Variants in GABRB1 observed in about 807,000 individuals in gnomAD.
GABRB1 encodes the protein gamma-aminobutyric acid type A receptor subunit beta1.
GABRB1 carries 17 observed loss-of-function variants against 51.6 expected under a neutral mutation model. The observed-to-expected ratio is 0.33, with a 90% confidence interval of 0.23 to 0.49. The LOEUF (loss-of-function observed/expected upper bound fraction) is 0.49. Ranked by LOEUF, GABRB1 falls within the 20% of genes least tolerant of loss-of-function variation. The pLI is 0.99. For synonymous variants in GABRB1, 247 were observed against 218.9 expected, an observed-to-expected ratio of 1.13 and a Z score of -1.14; for missense variants, 410 against 600.6, an observed-to-expected ratio of 0.68 and a Z score of 3.32.
chr4:47,095,583 A>G (rs1284551785), intron 3 of GABRB1, among the ~76,000 whole-genome samples: 1 of 152,158 alleles, frequency 6.6e-6, no homozygotes, highest in Non-Finnish European at 1.5e-5. Flanking sequence ...GGCACTTATG[A>G]CTCATGAAAT....
At chr4:47,350,210 T>TAGAGAGAG (rs1409250810) in intron 5 of GABRB1, among the ~76,000 whole-genome samples, 63 of 88,788 alleles carry the variant, frequency 7.1e-4, no homozygotes, top group South Asian at 4.3e-3. Context: ...TATATATATA[T>TAGAGAGAG]ATATATATAG....
At position 47,159,521 on chromosome 4, in the gene GABRB1, T is replaced by C. The variant is rs1042999618; in HGVS notation, c.241-1728T>C. ...TAGCCTGAGGGTTATTTTTTTTTTT[T>C]TACATGAAGGTAAGGTGGAAGGAGG... On this transcript the variant is annotated intron_variant, in intron 3 of 8. Transcript: ENST00000295454. Among the ~76,000 whole-genome samples, 4 of 151,812 alleles carry C rather than the reference T, an allele frequency of 2.6e-5. 1 individual carries two copies. In the South Asian group the frequency reaches 8.3e-4, roughly 31 times the overall value.
At chr4:47,071,415 A>G (rs1727330249) in intron 3 of GABRB1, among the ~76,000 whole-genome samples, 1 of 152,012 alleles carries the variant, frequency 6.6e-6, no homozygotes, top group Non-Finnish European at 1.5e-5. Context: ...GGCCTACACA[A>G]TCTTTCTAGT....
intron 5 of GABRB1, among the ~76,000 whole-genome samples, chr4:47,322,386 A>T (rs1282977382): frequency 6.6e-6 from 1 of 152,246 alleles, no homozygotes; most frequent in Non-Finnish European, 1.5e-5. Context: ...CTTACCTAAA[A>T]CAAAGCAAAA....
rs547678653 is a variant in GABRB1, at chr4:47,299,408, C to A, written c.462-20719C>A. ...AAATTTACAAGAAAAAAACAAATAA[C>A]CCCATCAAAAAGTGGGCGAAGGACA... On this transcript the variant is annotated intron_variant, in intron 4 of 8. Coordinates refer to ENST00000295454, the MANE Select transcript of GABRB1 (RefSeq NM_000812.4). Among the ~76,000 whole-genome samples the A allele has an allele frequency of 9.9e-5, 15 of 152,254 alleles. No homozygotes were observed. In the South Asian group the frequency reaches 2.9e-3, roughly 30 times the overall value.
At chr4:47,055,971 A>T (rs1402005467) in intron 3 of GABRB1, among the ~76,000 whole-genome samples, 2 of 152,208 alleles carry the variant, frequency 1.3e-5, no homozygotes, top group Admixed American at 1.3e-4. Context: ...TTTAATAGTG[A>T]ACTTTTAGCA....
At chr4:47,140,176 AG>A (rs1334979914) in intron 3 of GABRB1, among the ~76,000 whole-genome samples, 1 of 151,554 alleles carries the variant, frequency 6.6e-6, no homozygotes, top group Non-Finnish European at 1.5e-5. Context: ...GCAAAACTTA[AG>A]GGGAAGCACA....
intron 5 of GABRB1, among the ~76,000 whole-genome samples, chr4:47,346,226 CA>C: frequency 6.6e-6 from 1 of 152,158 alleles, no homozygotes; most frequent in South Asian, 2.1e-4. Flanking sequence ...CCTGAAGACA[CA>C]GAAGAAACTG....
At chr4:47,260,418 G>A (rs879692614) in intron 4 of GABRB1, among the ~76,000 whole-genome samples, 1 of 152,108 alleles carries the variant, frequency 6.6e-6, no homozygotes, top group Non-Finnish European at 1.5e-5. Context: ...TTTCTTCCTA[G>A]CCTCGATGGT....
chr4:47,136,366 G>T (rs926493559), intron 3 of GABRB1, among the ~76,000 whole-genome samples: 3 of 151,960 alleles, frequency 2.0e-5, no homozygotes, highest in African/African-American at 7.2e-5. Context: ...GATTTGCTCT[G>T]TCACACCTTC....
chr4:47,249,954 G>A lies in GABRB1; in HGVS notation c.462-70173G>A, dbSNP rs545799928. Among the ~76,000 whole-genome samples, 19 of 152,076 alleles carry A rather than the reference G, an allele frequency of 1.2e-4. No homozygotes were observed. In the South Asian group the frequency reaches 2.9e-3, roughly 23 times the overall value. The stretch of plus-strand genomic sequence containing the variant: ...ATGTTAGTATTGAGATGTGAGGTAC[G>A]GTTGCATTCATCGTGTTATTTCTTG... On this transcript the variant is annotated intron_variant, in intron 4 of 8. Coordinates refer to ENST00000295454, the MANE Select transcript of GABRB1 (RefSeq NM_000812.4).
At chr4:47,091,297 G>A (rs1645597510) in intron 3 of GABRB1, among the ~76,000 whole-genome samples, 1 of 151,902 alleles carries the variant, frequency 6.6e-6, no homozygotes, top group African/African-American at 2.4e-5. Flanking sequence ...TTTTATTCAA[G>A]ATGTTAACTT....
intron 5 of GABRB1, among the ~76,000 whole-genome samples, chr4:47,329,421 C>T (rs1240970507): frequency 6.7e-6 from 1 of 148,376 alleles, no homozygotes; most frequent in African/African-American, 2.5e-5. Context: ...ATGTAAAATA[C>T]AGCCAATCAA....
At chr4:47,081,056 A>G (rs1400033566) in intron 3 of GABRB1, among the ~76,000 whole-genome samples, 2 of 152,212 alleles carry the variant, frequency 1.3e-5, no homozygotes, top group Non-Finnish European at 2.9e-5. Flanking sequence ...CTATATGATT[A>G]TGTTTAACAA....
At chr4:47,290,992 G>A (rs1346718648) in intron 4 of GABRB1, among the ~76,000 whole-genome samples, 2 of 152,202 alleles carry the variant, frequency 1.3e-5, no homozygotes, top group African/African-American at 2.4e-5. Context: ...TAAGTAAGGA[G>A]GAGCCCAATG....
chr4:47,404,510 C>CAT (rs1202186496), intron 7 of GABRB1, among the ~76,000 whole-genome samples: 2 of 151,730 alleles, frequency 1.3e-5, no homozygotes, highest in Non-Finnish European at 2.9e-5. Flanking sequence ...CACACACACA[C>CAT]ACACACACAC....
At chr4:47,303,953 G>T (rs927531066) in intron 4 of GABRB1, among the ~76,000 whole-genome samples, 1 of 151,942 alleles carries the variant, frequency 6.6e-6, no homozygotes, top group East Asian at 1.9e-4. Context: ...TTAACATGAT[G>T]TCCTCTAGGT....
chr4:47,235,989 C>A (rs1019717729), intron 4 of GABRB1, among the ~76,000 whole-genome samples: 11 of 151,940 alleles, frequency 7.2e-5, no homozygotes, highest in Admixed American at 6.6e-4. Flanking sequence ...TGAAGTGAAC[C>A]ATCCTAGGTT....
intron 3 of GABRB1, among the ~76,000 whole-genome samples, chr4:47,089,380 T>G (rs1186414763): frequency 6.6e-6 from 1 of 152,190 alleles, no homozygotes; most frequent in Non-Finnish European, 1.5e-5. Context: ...CTAGTCCAGC[T>G]CTGCCTCAAA....
Sources: gnomAD v4.1 joint callset for allele counts (sites outside exome capture counted in the v4.1 genomes callset) on GRCh38, gnomAD v4.1.1 for gene constraint, MANE v1.5 for transcripts, NCBI Gene and HGNC (gene_info 2026-07-23, HGNC 2026-07-21) for gene names.